The following ST6GALNAC3 variants were observed in gnomAD, a reference collection of about 807,000 sequenced individuals.
The protein encoded by ST6GALNAC3 is alpha-N-acetylgalactosaminide alpha-2,6-sialyltransferase 3.
Under a neutral mutation model 32.7 loss-of-function variants are expected in ST6GALNAC3, and 25 were observed. That is an observed-to-expected ratio of 0.76 (90% confidence interval 0.56 to 1.07). ST6GALNAC3 has a LOEUF of 1.07. ST6GALNAC3 is among the 50% of genes least tolerant of loss of function. The pLI is 0.00. For missense variants in ST6GALNAC3, 355 were observed against 382.4 expected (o/e 0.93, Z 0.60); for synonymous variants, 129 against 133.1 (o/e 0.97, Z 0.21).
chr1:76,167,559 G>T (rs1156435296), intron 1 of ST6GALNAC3, among the ~76,000 whole-genome samples: 1 of 152,202 alleles, frequency 6.6e-6, no homozygotes, highest in African/African-American at 2.4e-5. Flanking sequence ...TGGTTCAGAA[G>T]GAATGGTACC....
At chr1:76,198,965 C>T (rs1654370488) in intron 1 of ST6GALNAC3, among the ~76,000 whole-genome samples, 1 of 151,968 alleles carries the variant, frequency 6.6e-6, no homozygotes, top group Non-Finnish European at 1.5e-5. Flanking sequence ...TAGATCATGG[C>T]AAGAGGTGGA....
At chr1:76,466,821 A>G (rs1304964904) in intron 3 of ST6GALNAC3, among the ~76,000 whole-genome samples, 11 of 152,100 alleles carry the variant, frequency 7.2e-5, no homozygotes, top group Admixed American at 4.6e-4. Flanking sequence ...GAGCTCAGTA[A>G]AAAGTACTAA....
chr1:76,395,135 C>T (rs557662510), intron 2 of ST6GALNAC3, among the ~76,000 whole-genome samples: 1 of 152,196 alleles, frequency 6.6e-6, no homozygotes, highest in African/African-American at 2.4e-5. Context: ...GTCATAAATT[C>T]GAGTTCCAAA....
chr1:76,490,213 A>G (rs1484745740), intron 3 of ST6GALNAC3, among the ~76,000 whole-genome samples: 9 of 152,078 alleles, frequency 5.9e-5, no homozygotes, highest in Non-Finnish European at 8.8e-5. Flanking sequence ...AGGAAGGTGG[A>G]GATGGCTAGA....
chr1:76,392,041 G>A (rs1469372255), intron 2 of ST6GALNAC3, among the ~76,000 whole-genome samples: 1 of 152,104 alleles, frequency 6.6e-6, no homozygotes, highest in Non-Finnish European at 1.5e-5. Context: ...ATAATGCTTC[G>A]TTGTGGGTAG....
chr1:76,527,452 T>C (rs1313295242), intron 3 of ST6GALNAC3, among the ~76,000 whole-genome samples: 4 of 152,114 alleles, frequency 2.6e-5, no homozygotes, highest in African/African-American at 9.7e-5. Flanking sequence ...TTCATTCTGC[T>C]TGAGCCCTGT....
At chr1:76,113,568 T>C (rs181734765) in intron 1 of ST6GALNAC3, among the ~76,000 whole-genome samples, 1 of 152,186 alleles carries the variant, frequency 6.6e-6, no homozygotes, top group African/African-American at 2.4e-5. Context: ...GTGAATGTTC[T>C]TATGTACTGT....
intron 4 of ST6GALNAC3, among the ~76,000 whole-genome samples, chr1:76,627,961 G>C (rs1649079099): frequency 6.6e-6 from 1 of 151,920 alleles, no homozygotes; most frequent in South Asian, 2.1e-4. Flanking sequence ...ATGTCCTGCA[G>C]CCTCAGAGAA....
At position 76,420,722 on chromosome 1, in the gene ST6GALNAC3, G is replaced by T. The variant is rs536449542; in HGVS notation, c.623+8305G>T. On this transcript the variant is annotated intron_variant, in intron 3 of 4. Coordinates refer to ENST00000328299, the MANE Select transcript of ST6GALNAC3 (RefSeq NM_152996.4). ...TAGGCCTTCTTTACCTCACACATAC[G>T]TGACTGCTTATCTAGTCCTACCTCT... Among the ~76,000 whole-genome samples, 681 of 151,876 alleles carry T rather than the reference G, an allele frequency of 4.5e-3. 7 individuals carry two copies. The highest frequency in any genetic ancestry group is 0.016 in the African/African-American group (652 of 41,432).
intron 1 of ST6GALNAC3, among the ~76,000 whole-genome samples, chr1:76,127,915 C>T (rs563542407): frequency 1.3e-5 from 2 of 152,258 alleles, no homozygotes; most frequent in South Asian, 4.1e-4. Flanking sequence ...TAAGGCCCTG[C>T]ATGACCCAGC....
At chr1:76,361,174 G>C (rs1345504502) in intron 2 of ST6GALNAC3, among the ~76,000 whole-genome samples, 2 of 152,060 alleles carry the variant, frequency 1.3e-5, no homozygotes, top group Non-Finnish European at 2.9e-5. Flanking sequence ...ATCTTCAGAA[G>C]TTTTTTCATC....
At chr1:76,375,524 A>G (rs1373483019) in intron 2 of ST6GALNAC3, among the ~76,000 whole-genome samples, 1 of 152,200 alleles carries the variant, frequency 6.6e-6, no homozygotes, top group Admixed American at 6.5e-5. Flanking sequence ...AGTTACAAAG[A>G]TAAAAAAGCA....
At chr1:76,385,844 T>C (rs1344739329) in intron 2 of ST6GALNAC3, among the ~76,000 whole-genome samples, 1 of 152,100 alleles carries the variant, frequency 6.6e-6, no homozygotes, top group Non-Finnish European at 1.5e-5. Context: ...CATAAATTAG[T>C]GTAAGTGTTA....
intron 3 of ST6GALNAC3, among the ~76,000 whole-genome samples, chr1:76,555,577 C>T (rs571400589): frequency 2.0e-4 from 30 of 151,998 alleles, no homozygotes; most frequent in Non-Finnish European, 4.0e-4. Context: ...GAAGGTGAGA[C>T]CCATTGATCA....
At chr1:76,341,381 C>T (rs1487526070) in intron 2 of ST6GALNAC3, among the ~76,000 whole-genome samples, 1 of 152,022 alleles carries the variant, frequency 6.6e-6, no homozygotes, top group African/African-American at 2.4e-5. Flanking sequence ...TGCAAAGAAC[C>T]TTATTTCATT....
chr1:76,473,219 A>G (rs1474537378), intron 3 of ST6GALNAC3, among the ~76,000 whole-genome samples: 1 of 152,106 alleles, frequency 6.6e-6, no homozygotes, highest in Non-Finnish European at 1.5e-5. Flanking sequence ...ATAGAGTAGA[A>G]CTCATAAATG....
intron 1 of ST6GALNAC3, among the ~76,000 whole-genome samples, chr1:76,310,558 G>A (rs1011204652): frequency 6.6e-6 from 1 of 152,074 alleles, no homozygotes; most frequent in Non-Finnish European, 1.5e-5. Flanking sequence ...GACTCCTGGG[G>A]GCTGGTTCCA....
intron 2 of ST6GALNAC3, among the ~76,000 whole-genome samples, chr1:76,388,511 A>C (rs924386055): frequency 6.6e-6 from 1 of 152,182 alleles, no homozygotes; most frequent in Non-Finnish European, 1.5e-5. Context: ...CATTTCTGTA[A>C]GGTTCTCACA....
intron 2 of ST6GALNAC3, among the ~76,000 whole-genome samples, chr1:76,315,814 A>G (rs1646854215): frequency 6.6e-6 from 1 of 152,154 alleles, no homozygotes. Flanking sequence ...AATAAGTCGA[A>G]GTATATGAGG....
Sources: gnomAD v4.1 joint callset for allele counts (sites outside exome capture counted in the v4.1 genomes callset) on GRCh38, gnomAD v4.1.1 for gene constraint, MANE v1.5 for transcripts, NCBI Gene and HGNC (gene_info 2026-07-23, HGNC 2026-07-21) for gene names.